The following CIZ1 variants were observed in gnomAD, a reference collection of about 807,000 sequenced individuals.
CIZ1 encodes the protein CDKN1A interacting zinc finger protein 1.
A neutral mutation model predicts 118.6 loss-of-function variants in CIZ1; 58 were observed. The observed-to-expected ratio is 0.49, with a 90% CI of 0.40 to 0.61. The LOEUF is 0.61. Ranked by LOEUF, CIZ1 falls within the 20% of genes least tolerant of loss-of-function variation. The probability of loss-of-function intolerance (pLI) is 0.00; values close to 1 mark genes in which losing one functional copy is unlikely to be tolerated. For synonymous variants in CIZ1, 448 were observed against 443.4 expected (o/e 1.01, Z -0.13); for missense variants, 921 against 1,115.9 (o/e 0.83, Z 2.49).
In CIZ1 at chr9:128,191,451, T is replaced by C; in HGVS notation, c.-25A>G. ...CCGCACCTCGCCTCCCCGCGCGCCC[T>C]CAACGCTCAAGTCGCCCCCACGGAT... On this transcript the variant is annotated 5_prime_UTR_variant, in exon 1 of 17. Transcript: ENST00000372938. This position sits in a 1 kb window ranked among gnomAD's most constrained non-coding sequence, Gnocchi z 5.5. 1 of 976,078 alleles carries C rather than the reference T, an allele frequency of 1.0e-6. No individual in the cohort carries two copies. Among genetic ancestry groups the C allele is most frequent in the Non-Finnish European group, 1.2e-6 (1 of 820,432 alleles). The allele number at this position is 976,078 out of a possible 1,614,324, so 60.5% of individuals were successfully genotyped here. A position where few individuals can be genotyped will look rare whatever the true frequency, so the allele number is the denominator to read the frequency against.
At chr9:128,186,819 ACCCTTCAGACCT>A (rs1832431639) in intron 4 of CIZ1, among the ~76,000 whole-genome samples, 1 of 151,140 alleles carries the variant, frequency 6.6e-6, no homozygotes, top group East Asian at 2.0e-4. Context: ...ACCCACTGAC[ACCCTTCAGACCT>A]CCCTATAGGT....
chr9:128,172,147 CAAAAAAAAAA>C (rs58895140), intron 11 of CIZ1, among the ~76,000 whole-genome samples: 25 of 69,168 alleles, frequency 3.6e-4, no homozygotes, highest in African/African-American at 1.7e-3. Context: ...GACACTGTCT[CAAAAAAAAAA>C]AAAAAAAAAA....
upstream of CIZ1, chr9:128,191,890 C>T: frequency 1.4e-6 from 2 of 1,449,618 alleles, no homozygotes; most frequent in Non-Finnish European, 9.1e-7. This position sits in a 1 kb window ranked among gnomAD's most constrained non-coding sequence, Gnocchi z 5.5. Context: ...GATCCTGGGG[C>T]CCCGCGCGGG....
At chr9:128,176,552 A>T in intron 10 of CIZ1, 77 bp from the exon 11 acceptor site, 1 of 1,466,386 alleles carries the variant, frequency 6.8e-7, no homozygotes, top group Non-Finnish European at 9.3e-7. Context: ...CTGGGGAGGC[A>T]GACCCCAGCC....
intron 1 of CIZ1, chr9:128,197,466 T>C (rs557109437): frequency 2.6e-5 from 4 of 152,268 alleles, no homozygotes; most frequent in Admixed American, 6.5e-5. Flanking sequence ...TAAGACCATA[T>C]GCTTATCACC....
chr9:128,200,675 G>T (rs941091743), intron 1 of CIZ1, among the ~76,000 whole-genome samples: 10 of 143,912 alleles, frequency 6.9e-5, no homozygotes, highest in African/African-American at 2.3e-4. Flanking sequence ...AAAAAAGAAA[G>T]AAATACAAAA....
At position 128,166,332 on chromosome 9, in the gene CIZ1, G is replaced by A. The variant is rs11549264; in HGVS notation, c.2562C>T (p.Asn854=). 621 of 1,565,736 alleles carry A rather than the reference G, an allele frequency of 4.0e-4. 3 individuals are homozygous for A. The highest frequency in any genetic ancestry group is 4.4e-4 in the Non-Finnish European group (513 of 1,154,744). The change falls in exon 17 of 17, where the codon AAC becomes AAT. Residue 854 remains asparagine, a synonymous_variant. Coordinates refer to ENST00000372938, the MANE Select transcript of CIZ1 (RefSeq NM_001131016.2). The surrounding 1 kb of genome is among the most constrained non-coding windows in gnomAD (Gnocchi z 4.4). ...TGGAGGTGAACAGGGCTGTCAAAGC[G>A]TTCCGGGCGTTGATTGCGCACCGGC... ...VSRRCAINAR[N]ALTALFTSSG...
upstream of CIZ1, among the ~76,000 whole-genome samples, chr9:128,193,873 T>C (rs1241314371): frequency 1.3e-5 from 2 of 152,118 alleles, no homozygotes; most frequent in Non-Finnish European, 2.9e-5. Flanking sequence ...TCCTCCTTGG[T>C]GAAATGTGTG....
At chr9:128,191,897 C>G, upstream of CIZ1, 2 of 1,441,736 alleles carry the variant, frequency 1.4e-6, no homozygotes, top group Non-Finnish European at 1.8e-6. The surrounding 1 kb of genome is among the most constrained non-coding windows in gnomAD (Gnocchi z 5.5). Flanking sequence ...GGGCCCCGCG[C>G]GGGGCTGCGG....
rs143050509 is a variant in CIZ1 at position 128,185,475 on chromosome 9, C to T, written c.588+72G>A. 90 of 1,003,346 alleles carry T rather than the reference C, an allele frequency of 9.0e-5. No homozygotes were observed. In the African/African-American group the frequency reaches 1.1e-3, roughly 12 times the overall value. 62.2% of individuals were successfully genotyped at this position (1,003,346 alleles called of 1,614,324 possible). ...GACCTGTCCGAAGGCCCAGACTGAG[C>T]CAGAGCAGGTGGCACTGGGGCTGAC... On this transcript the variant is annotated intron_variant, in intron 5 of 16. Transcript: ENST00000372938.
At position 128,166,945 on chromosome 9, in the gene CIZ1, T is replaced by C. The variant is rs150886477; in HGVS notation, c.2366-65A>G. 1,628 of 1,612,592 alleles carry C rather than the reference T, an allele frequency of 1.0e-3. 1 individual carries two copies. The highest frequency in any genetic ancestry group is 1.9e-3 in the South Asian group (177 of 90,950). On this transcript the variant is annotated intron_variant, in intron 15 of 16. Coordinates refer to ENST00000372938, the MANE Select transcript of CIZ1 (RefSeq NM_001131016.2). This position sits in a 1 kb window ranked among gnomAD's most constrained non-coding sequence, Gnocchi z 4.4. Reference sequence around the variant, plus strand: ...TACCAGCGAGGTGTCCCTCCCTCTCTAGGGGCCCATGTGCTCCCCAACCCT... The same window carrying C: ...TACCAGCGAGGTGTCCCTCCCTCTCCAGGGGCCCATGTGCTCCCCAACCCT...
At chr9:128,182,800 C>A (rs1158450778) in intron 5 of CIZ1, among the ~76,000 whole-genome samples, 1 of 149,652 alleles carries the variant, frequency 6.7e-6, no homozygotes, top group Middle Eastern at 3.4e-3. Context: ...TTTTTTTTTT[C>A]TTCCATAGAG....
intron 1 of CIZ1, among the ~76,000 whole-genome samples, chr9:128,201,128 C>T (rs143212608): frequency 0.034 from 5,144 of 151,876 alleles, 327 homozygotes; most frequent in African/African-American, 0.12. Flanking sequence ...ATTAGCCGGG[C>T]GTGGTGGCAC....
intron 10 of CIZ1, 27 bp downstream of exon 10, chr9:128,177,538 TC>T: frequency 2.5e-6 from 1 of 395,096 alleles, no homozygotes; most frequent in Non-Finnish European, 4.7e-6. Flanking sequence ...GCCCCACCCC[TC>T]CCCACCCTTA....
Position 128,166,525 on chromosome 9 carries a change from G to T in CIZ1, c.2488-119C>A. 1 of 998,132 alleles carries T rather than the reference G, an allele frequency of 1.0e-6. No homozygotes were observed. Among genetic ancestry groups the T allele is most frequent in the Non-Finnish European group, 1.5e-6 (1 of 685,028 alleles). 61.8% of individuals were successfully genotyped at this position (998,132 alleles called of 1,614,324 possible). ...ATTAGTGTGCTCTGTGACCCTGCGT[G>T]ATGCACTCGGCCTCTCTGGGCCGTC... On this transcript the variant is annotated intron_variant, in intron 16 of 16. Transcript: ENST00000372938. This position sits in a 1 kb window ranked among gnomAD's most constrained non-coding sequence, Gnocchi z 4.4.
At chr9:128,184,816 C>T (rs1004748181) in intron 5 of CIZ1, among the ~76,000 whole-genome samples, 1 of 152,026 alleles carries the variant, frequency 6.6e-6, no homozygotes, top group Non-Finnish European at 1.5e-5. Context: ...TACAGGCATG[C>T]ACCACCATGC....
At chr9:128,179,759 G>A (rs1034770386) in intron 7 of CIZ1, among the ~76,000 whole-genome samples, 15 of 152,042 alleles carry the variant, frequency 9.9e-5, no homozygotes, top group Non-Finnish European at 1.9e-4. Context: ...CACAACCTCC[G>A]TCTCCCAGGT....
intron 12 of CIZ1, 63 bp from the exon 13 acceptor site, chr9:128,169,582 G>A: frequency 6.3e-7 from 1 of 1,595,612 alleles, no homozygotes; most frequent in Non-Finnish European, 8.5e-7. Flanking sequence ...TAGCACCCAG[G>A]CAGGGCCCAG....
chr9:128,173,135 CTTTTTTTT>C (rs957423189), intron 11 of CIZ1, among the ~76,000 whole-genome samples: 19 of 80,796 alleles, frequency 2.4e-4, no homozygotes, highest in South Asian at 8.6e-4. Context: ...TGGCTAATTT[CTTTTTTTT>C]TTTTTTTTTT....
Sources: allele counts gnomAD v4.1 joint callset (sites outside exome capture counted in the v4.1 genomes callset), GRCh38; gene constraint gnomAD v4.1.1; non-coding constraint Gnocchi (gnomAD v3.1); transcripts MANE v1.5; gene names NCBI Gene and HGNC (gene_info 2026-07-23, HGNC 2026-07-21).